TNFSF4: variants seen among roughly 807,000 people sequenced by gnomAD.
The protein encoded by TNFSF4 is TNF superfamily member 4.
In TNFSF4, 4 loss-of-function variants were observed where a neutral mutation model predicts 7.3. The observed-to-expected ratio is 0.55, with a 90% CI of 0.27 to 1.25. The LOEUF (loss-of-function observed/expected upper bound fraction) is 1.25. Among genes scored for constraint, TNFSF4 ranks in the 50% most tolerant of loss-of-function variants. TNFSF4 has a pLI of 0.12. For missense variants in TNFSF4, 181 were observed against 208.8 expected (o/e 0.87, Z 0.82); for synonymous variants, 76 against 83.7 (o/e 0.91, Z 0.50).
the TNFSF4 span, among the ~76,000 whole-genome samples, chr1:173,372,713 G>A: frequency 6.6e-6 from 1 of 152,164 alleles, no homozygotes; most frequent in East Asian, 1.9e-4. Context: ...ACAACAAACT[G>A]CTTAGATACC....
At chr1:173,359,551 C>T in the TNFSF4 span, among the ~76,000 whole-genome samples, 1 of 137,652 alleles carries the variant, frequency 7.3e-6, no homozygotes, top group African/African-American at 2.7e-5. Flanking sequence ...ACTACATCTG[C>T]TGACTTCCTT....
chr1:173,177,335 T>G, the TNFSF4 span, among the ~76,000 whole-genome samples: 1 of 152,060 alleles, frequency 6.6e-6, no homozygotes, highest in Admixed American at 6.6e-5. Context: ...AGCAAACTAA[T>G]GCAGGAACAG....
At chr1:173,259,004 C>T in the TNFSF4 span, among the ~76,000 whole-genome samples, 7 of 152,142 alleles carry the variant, frequency 4.6e-5, no homozygotes, top group African/African-American at 1.7e-4. Flanking sequence ...CAGACTGCTT[C>T]ATTAAGCAGG....
chr1:173,440,417 A>C, the TNFSF4 span: 2 of 152,172 alleles, frequency 1.3e-5, no homozygotes, highest in African/African-American at 4.8e-5. Flanking sequence ...AGGGAAGAAT[A>C]ATATTAAAAT....
chr1:173,248,199 C>CA, the TNFSF4 span, among the ~76,000 whole-genome samples: 13 of 151,194 alleles, frequency 8.6e-5, no homozygotes, highest in East Asian at 1.9e-4. Context: ...ATGAAAAATG[C>CA]AAAAAAAATT....
At chr1:173,266,468 T>C in the TNFSF4 span, among the ~76,000 whole-genome samples, 1 of 152,174 alleles carries the variant, frequency 6.6e-6, no homozygotes, top group Non-Finnish European at 1.5e-5. Flanking sequence ...AAATGTGTCA[T>C]GAATCAGCCC....
chr1:173,445,120 C>G, the TNFSF4 span, among the ~76,000 whole-genome samples: 7 of 152,122 alleles, frequency 4.6e-5, no homozygotes, highest in Non-Finnish European at 8.8e-5. Context: ...AAAGAAAGTA[C>G]AGTCAAGAGT....
Position 173,186,695 on chromosome 1 carries a change from G to T in TNFSF4, c.373C>A (p.Pro125Thr), listed in dbSNP as rs1287177768. ...ISLHYQKDEEPLFQLKKVRSV... is the reference protein window; with the variant it reads ...ISLHYQKDEETLFQLKKVRSV... Reference sequence around the variant, plus strand: ...CTGACCTTCTTCAGTTGGAAGAGGGGCTCCTCATCCTTCTGGTAATGAAGG... The same window carrying T: ...CTGACCTTCTTCAGTTGGAAGAGGGTCTCCTCATCCTTCTGGTAATGAAGG... Residue 125 changes from proline (P) to threonine (T), a missense_variant, in exon 3 of 3, where the codon CCC becomes ACC. By Grantham distance (38) the Pro-to-Thr change is conservative. Coordinates refer to ENST00000281834, the MANE Select transcript of TNFSF4 (RefSeq NM_003326.5). 2 of 1,614,032 alleles carry T rather than the reference G, an allele frequency of 1.2e-6. No homozygotes were observed. Among genetic ancestry groups the T allele is most frequent in the Non-Finnish European group, 1.7e-6 (2 of 1,180,022 alleles).
At chr1:173,421,849 G>A in the TNFSF4 span, among the ~76,000 whole-genome samples, 1 of 151,888 alleles carries the variant, frequency 6.6e-6, no homozygotes, top group Admixed American at 6.6e-5. Context: ...TACGCATAAA[G>A]AAAAAAACAA....
At chr1:173,273,256 A>G in the TNFSF4 span, among the ~76,000 whole-genome samples, 3 of 152,144 alleles carry the variant, frequency 2.0e-5, no homozygotes, top group Admixed American at 6.5e-5. Flanking sequence ...CATTCTTCCA[A>G]TCAAGCTTCA....
the TNFSF4 span, among the ~76,000 whole-genome samples, chr1:173,347,353 GGTGA>G: frequency 0.018 from 2,810 of 152,242 alleles, 92 homozygotes; most frequent in African/African-American, 0.065. Context: ...TAAGGAAAGT[GGTGA>G]GTGAGTCTCT....
At chr1:173,219,443 C>T in the TNFSF4 span, among the ~76,000 whole-genome samples, 1 of 152,120 alleles carries the variant, frequency 6.6e-6, no homozygotes, top group East Asian at 1.9e-4. Context: ...GACACTTTTA[C>T]ACTGCTGGTG....
At chr1:173,421,042 G>A in the TNFSF4 span, among the ~76,000 whole-genome samples, 2 of 152,192 alleles carry the variant, frequency 1.3e-5, no homozygotes, top group East Asian at 1.9e-4. Context: ...TACACACTGC[G>A]ATAAAACCTA....
At chr1:173,378,842 G>A in the TNFSF4 span, among the ~76,000 whole-genome samples, 1 of 148,182 alleles carries the variant, frequency 6.7e-6, no homozygotes, top group East Asian at 2.0e-4. Flanking sequence ...AAGGAAATAA[G>A]CAAAGAAATA....
chr1:173,174,928 A>G, the TNFSF4 span, among the ~76,000 whole-genome samples: 2 of 152,228 alleles, frequency 1.3e-5, no homozygotes, highest in African/African-American at 4.8e-5. Context: ...GTAATAATGT[A>G]AAAAATACCA....
At chr1:173,388,097 C>A in the TNFSF4 span, among the ~76,000 whole-genome samples, 1 of 152,182 alleles carries the variant, frequency 6.6e-6, no homozygotes, top group South Asian at 2.1e-4. Flanking sequence ...TAAGAGAAAA[C>A]ATCTAGAATT....
chr1:173,269,455 C>G, the TNFSF4 span, among the ~76,000 whole-genome samples: 1 of 152,114 alleles, frequency 6.6e-6, no homozygotes, highest in Non-Finnish European at 1.5e-5. Flanking sequence ...AAAAGAAGCA[C>G]TTTACAGCTT....
At chr1:173,352,495 G>C in the TNFSF4 span, among the ~76,000 whole-genome samples, 5 of 152,176 alleles carry the variant, frequency 3.3e-5, no homozygotes, top group Middle Eastern at 3.2e-3. Flanking sequence ...CAGGTTCCAT[G>C]ATGCCCCCTG....
At chr1:173,417,907 G>C in the TNFSF4 span, 1 of 149,388 alleles carries the variant, frequency 6.7e-6, no homozygotes, top group Non-Finnish European at 1.5e-5. Context: ...TTTTTAACTG[G>C]GGGTGGGAGG....
Sources: gnomAD v4.1 joint callset for allele counts (sites outside exome capture counted in the v4.1 genomes callset) on GRCh38, gnomAD v4.1.1 for gene constraint, MANE v1.5 for transcripts, NCBI Gene and HGNC (gene_info 2026-07-23, HGNC 2026-07-21) for gene names.